DCK: variants seen among roughly 807,000 people sequenced by gnomAD.
DCK encodes deoxycytidine kinase.
Under a neutral mutation model 38.3 loss-of-function variants are expected in DCK, and 23 were observed. The observed-to-expected ratio is 0.60, with a 90% CI of 0.43 to 0.85. The LOEUF is 0.85. DCK is among the 40% of genes least tolerant of loss of function. The probability of loss-of-function intolerance (pLI) is 0.00; values close to 1 mark genes in which losing one functional copy is unlikely to be tolerated. For synonymous variants in DCK, 108 were observed against 100.6 expected (o/e 1.07, Z -0.44); for missense variants, 259 against 304.4 (o/e 0.85, Z 1.11).
chr4:71,015,147 AC>A (rs1740225025), intron 2 of DCK, among the ~76,000 whole-genome samples: 5 of 3,350 alleles, frequency 1.5e-3, no homozygotes, highest in Non-Finnish European at 1.2e-3. Flanking sequence ...AAACACCTCT[AC>A]AAACACCTCT....
chr4:71,002,344 C>A (rs548829863), intron 2 of DCK, among the ~76,000 whole-genome samples: 1 of 152,190 alleles, frequency 6.6e-6, no homozygotes, highest in East Asian at 1.9e-4. Flanking sequence ...GTTATGATTT[C>A]CATTCTTTTG....
intron 2 of DCK, among the ~76,000 whole-genome samples, chr4:71,002,217 T>A (rs1290909954): frequency 6.6e-6 from 1 of 152,218 alleles, no homozygotes; most frequent in Admixed American, 6.5e-5. Flanking sequence ...TCTGCCCTAA[T>A]TTCGTTATTT....
Position 70,998,197 on chromosome 4 carries a change from T to C in DCK, c.207+15T>C. ...ATGAATTTGAGGTATGAAAATAAAA[T>C]TTAAGTAGATAAAAGCCTCTTGGTT... On this transcript the variant is annotated intron_variant, in intron 2 of 6. Coordinates refer to ENST00000286648, the MANE Select transcript of DCK (RefSeq NM_000788.3). 2 of 1,320,776 alleles carry C rather than the reference T, an allele frequency of 1.5e-6. No homozygotes were observed. The highest frequency in any genetic ancestry group is 2.5e-5 in the South Asian group (2 of 80,296). The allele number at this position is 1,320,776 out of a possible 1,614,324, so 81.8% of individuals were successfully genotyped here.
Position 71,023,547 on chromosome 4 carries a change from A to G in DCK, c.402-12A>G. ...TGAAATGATACATGTGTTGATGAAG[A>G]CTCTCTTTTAGGTATATTTTTGCAT... On this transcript the variant is annotated splice_polypyrimidine_tract_variant and intron_variant, in intron 3 of 6. Coordinates refer to ENST00000286648, the MANE Select transcript of DCK (RefSeq NM_000788.3). 6.6e-7 allele frequency: 1 copy of G among 1,504,204 alleles called. No individual in the cohort carries two copies. Among genetic ancestry groups the G allele is most frequent in the Non-Finnish European group, 9.0e-7 (1 of 1,108,482 alleles). The allele number at this position is 1,504,204 out of a possible 1,614,324, so 93.2% of individuals were successfully genotyped here.
chr4:70,998,159 C>A lies in DCK; in HGVS notation c.184C>A (p.Gln62Lys). The change falls in exon 2 of 7, where the codon CAA (glutamine) becomes AAA (lysine). Residue 62 changes from glutamine (Q) to lysine (K), a missense_variant. Physicochemically the swap from Gln to Lys is moderately conservative, Grantham distance 53 (BLOSUM62 1). Around this residue, in one of 3 missense-constraint regions of DCK, gnomAD observed 159 missense variants for 159.0 expected, o/e 1.00. Coordinates refer to ENST00000286648, the MANE Select transcript of DCK (RefSeq NM_000788.3). ...PEPVARWCNVQSTQDEFEELT... is the reference protein window; with the variant it reads ...PEPVARWCNVKSTQDEFEELT... Reference sequence around the variant, plus strand: ...ACCTGTTGCCAGATGGTGCAATGTTCAAAGTACTCAAGATGAATTTGAGGT... The same window carrying A: ...ACCTGTTGCCAGATGGTGCAATGTTAAAAGTACTCAAGATGAATTTGAGGT... 6.3e-7 allele frequency: 1 copy of A among 1,582,150 alleles called. No individual in the cohort carries two copies. The highest frequency in any genetic ancestry group is 1.1e-5 in the South Asian group (1 of 88,056).
In DCK at chr4:70,999,701, A is replaced by G. The variant is rs546084196; in HGVS notation, c.207+1519A>G. ...AGCATCTGTTGTTTCCTGACTTTTT[A>G]ATGATCACCATTCTAACTGGTGTGA... On this transcript the variant is annotated intron_variant, in intron 2 of 6. Transcript: ENST00000286648. Among the ~76,000 whole-genome samples, 4 of 152,266 alleles carry G rather than the reference A, an allele frequency of 2.6e-5. No homozygotes were observed. The East Asian group carries it at 7.7e-4, about 29-fold the overall frequency.
At position 71,025,801 on chromosome 4, in the gene DCK, A is replaced by T; in HGVS notation, c.550-15A>T. ...TCCCTGCCTTTTTCTTCCATCTCTT[A>T]TTACTTGCTTTTAGACATGCTTACA... On this transcript the variant is annotated splice_polypyrimidine_tract_variant and intron_variant, in intron 4 of 6. Coordinates refer to ENST00000286648, the MANE Select transcript of DCK (RefSeq NM_000788.3). 6.3e-7 allele frequency: 1 copy of T among 1,582,046 alleles called. No individual in the cohort carries two copies.
chr4:71,002,876 G>GA (rs547775443), intron 2 of DCK, among the ~76,000 whole-genome samples: 74 of 152,050 alleles, frequency 4.9e-4, no homozygotes, highest in Non-Finnish European at 8.2e-4. Flanking sequence ...TGCGACTCCT[G>GA]AATACCGCAC....
chr4:71,005,873 C>A (rs1185955397), intron 2 of DCK, among the ~76,000 whole-genome samples: 1 of 151,686 alleles, frequency 6.6e-6, no homozygotes, highest in Non-Finnish European at 1.5e-5. Context: ...CACCTGTAAT[C>A]CCAGCCCTTT....
In DCK at chr4:71,029,641, C is replaced by G; in HGVS notation, c.*263C>G. 1 of 381,866 alleles carries G rather than the reference C, an allele frequency of 2.6e-6. No homozygotes were observed. 23.7% of individuals were successfully genotyped at this position (381,866 alleles called of 1,614,324 possible). On this transcript the variant is annotated 3_prime_UTR_variant, in exon 7 of 7. Transcript: ENST00000286648. ...ATGTAGAGGTAGATGGTTCCAGTATCAGCATAGTGACTAAACTACATTATA... is the reference window on the plus strand; with the variant it reads ...ATGTAGAGGTAGATGGTTCCAGTATGAGCATAGTGACTAAACTACATTATA...
chr4:70,998,548 G>A (rs1193478180), intron 2 of DCK, among the ~76,000 whole-genome samples: 7 of 152,224 alleles, frequency 4.6e-5, no homozygotes, highest in Admixed American at 4.6e-4. Context: ...TTACATAAAG[G>A]ACTTGAGTAT....
intron 2 of DCK, among the ~76,000 whole-genome samples, chr4:71,005,995 G>A (rs1211958298): frequency 6.6e-6 from 1 of 150,514 alleles, no homozygotes; most frequent in Non-Finnish European, 1.5e-5. Flanking sequence ...GCGTGGTGGT[G>A]GGCGCCTGTA....
intron 2 of DCK, among the ~76,000 whole-genome samples, chr4:71,015,539 A>G (rs930851963): frequency 1.3e-5 from 2 of 152,226 alleles, no homozygotes; most frequent in Non-Finnish European, 2.9e-5. Context: ...CCTCAGTAGA[A>G]TACTGGCAAA....
intron 2 of DCK, among the ~76,000 whole-genome samples, chr4:71,001,346 C>T (rs754767431): frequency 2.4e-4 from 36 of 152,232 alleles, no homozygotes; most frequent in Non-Finnish European, 3.1e-4. Flanking sequence ...CCGACTTGAT[C>T]GTGGTAGATG....
chr4:70,998,153 A>G lies in DCK; in HGVS notation c.178A>G (p.Asn60Asp), dbSNP rs138544914. The G allele has an allele frequency of 1.0e-5, 16 of 1,599,854 alleles. No homozygotes were observed. The Admixed American group carries it at 1.0e-4, about 10-fold the overall frequency. Residue 60 changes from asparagine to aspartate, a missense_variant, in exon 2 of 7, where the codon AAT becomes GAT. This residue lies in a region of DCK where 159 missense variants were observed against 159.0 expected (regional missense o/e 1.00). Coordinates refer to ENST00000286648, the MANE Select transcript of DCK (RefSeq NM_000788.3). Reference protein sequence around the residue: ...VVPEPVARWCNVQSTQDEFEE... With the variant: ...VVPEPVARWCDVQSTQDEFEE... ...TCCTGAACCTGTTGCCAGATGGTGC[A>G]ATGTTCAAAGTACTCAAGATGAATT...
intron 2 of DCK, among the ~76,000 whole-genome samples, chr4:71,007,025 A>G (rs144875568): frequency 6.6e-5 from 10 of 152,340 alleles, no homozygotes; most frequent in African/African-American, 1.9e-4. Flanking sequence ...ATGGACTTTG[A>G]GAATATATGG....
At chr4:71,015,716 T>C (rs1325648586) in intron 2 of DCK, among the ~76,000 whole-genome samples, 1 of 152,172 alleles carries the variant, frequency 6.6e-6, no homozygotes, top group African/African-American at 2.4e-5. Context: ...AGAAAAGGCC[T>C]TTGACAAAAC....
intron 2 of DCK, among the ~76,000 whole-genome samples, chr4:71,002,340 A>T (rs1337129820): frequency 2.0e-5 from 3 of 151,942 alleles, no homozygotes; most frequent in Non-Finnish European, 4.4e-5. Flanking sequence ...GACTGTTATG[A>T]TTTCCATTCT....
chr4:71,010,033 T>G (rs76850345), intron 2 of DCK, among the ~76,000 whole-genome samples: 1,747 of 152,288 alleles, frequency 0.011, 37 homozygotes, highest in African/African-American at 0.04. Flanking sequence ...GCAAGGTCAG[T>G]CCTACTTTGA....
Sources: allele counts gnomAD v4.1 joint callset (sites outside exome capture counted in the v4.1 genomes callset), GRCh38; gene constraint gnomAD v4.1.1; regional missense constraint gnomAD v4.1.1; transcripts MANE v1.5; gene names NCBI Gene and HGNC (gene_info 2026-07-23, HGNC 2026-07-21).